The following EXOC5 variants were observed in gnomAD, a reference collection of about 807,000 sequenced individuals.
EXOC5 encodes the protein exocyst complex component 5.
Under a neutral mutation model 90.8 loss-of-function variants are expected in EXOC5, and 17 were observed. The observed-to-expected ratio is 0.19, with a 90% confidence interval of 0.13 to 0.28. EXOC5 has a LOEUF of 0.28. EXOC5 is among the 10% of genes least tolerant of loss of function. The pLI is 1.00. For missense variants in EXOC5, 569 were observed against 830.6 expected (o/e 0.69, Z 3.87); for synonymous variants, 260 against 270.0 (o/e 0.96, Z 0.36).
chr14:57,258,078 T>C (rs540683765), intron 1 of EXOC5, among the ~76,000 whole-genome samples: 2 of 152,344 alleles, frequency 1.3e-5, no homozygotes, highest in African/African-American at 4.8e-5. Context: ...TTATATGCTT[T>C]ACAAATGTTA....
chr14:57,236,244 A>T (rs1883654152), intron 6 of EXOC5, among the ~76,000 whole-genome samples: 1 of 150,700 alleles, frequency 6.6e-6, no homozygotes, highest in Non-Finnish European at 1.5e-5. Context: ...TGAACACCAA[A>T]TCTCATCCTG....
intron 4 of EXOC5, among the ~76,000 whole-genome samples, chr14:57,240,471 G>A (rs1443708956): frequency 6.6e-6 from 1 of 151,896 alleles, no homozygotes; most frequent in Non-Finnish European, 1.5e-5. Context: ...TAGTAGACAC[G>A]GGGTTTCTTT....
intron 4 of EXOC5, chr14:57,243,664 A>C (rs1169244755): frequency 6.5e-6 from 1 of 153,024 alleles, no homozygotes; most frequent in East Asian, 1.9e-4. Flanking sequence ...ATAAACAATT[A>C]ATTCAGAATT....
At chr14:57,263,816 C>T (rs1376666056) in intron 1 of EXOC5, among the ~76,000 whole-genome samples, 24 of 151,232 alleles carry the variant, frequency 1.6e-4, no homozygotes, top group Admixed American at 1.5e-3. Context: ...TGCCTTGCCA[C>T]CACTCCCTAT....
chr14:57,237,366 T>C lies in EXOC5; in HGVS notation c.531A>G (p.Arg177=), dbSNP rs1245151312. ...HLIAQELPFD[R]FSEVKSKIAS... is the part of the protein sequence containing the mutation. ...CAATTTTGGATTTAACTTCTGAAAATCTGAAAGACAAAAACCAACCATGAG... is the reference window on the plus strand; with the variant it reads ...CAATTTTGGATTTAACTTCTGAAAACCTGAAAGACAAAAACCAACCATGAG... The change falls in exon 6 of 18, where the codon AGA becomes AGG. Residue 177 remains arginine, a splice_region_variant and synonymous_variant. Transcript: ENST00000621441. The C allele has an allele frequency of 1.3e-6, 2 of 1,522,508 alleles. No homozygotes were observed. Among genetic ancestry groups the C allele is most frequent in the Admixed American group, 2.0e-5 (1 of 50,618 alleles). 94.3% of individuals were successfully genotyped at this position (1,522,508 alleles called of 1,614,324 possible).
At chr14:57,221,211 T>C (rs1883128824) in intron 13 of EXOC5, among the ~76,000 whole-genome samples, 2 of 152,064 alleles carry the variant, frequency 1.3e-5, no homozygotes, top group African/African-American at 4.8e-5. Flanking sequence ...CAAAAGGATT[T>C]TGGGGATAGG....
At chr14:57,232,606 T>G in intron 10 of EXOC5, 61 bp downstream of exon 10, 1 of 732,180 alleles carries the variant, frequency 1.4e-6, no homozygotes, top group Non-Finnish European at 2.2e-6. Context: ...TACTTCCTTG[T>G]TTTTATCAAA....
At chr14:57,233,644 T>A in intron 9 of EXOC5, 99 bp downstream of exon 9, 1 of 720,914 alleles carries the variant, frequency 1.4e-6, no homozygotes, top group Non-Finnish European at 2.3e-6. Context: ...TCTAAGGTCA[T>A]TACATAAGTA....
chr14:57,218,510 C>G (rs1883036132), intron 14 of EXOC5, among the ~76,000 whole-genome samples: 1 of 152,004 alleles, frequency 6.6e-6, no homozygotes, highest in Non-Finnish European at 1.5e-5. Context: ...TCCAGTTGTA[C>G]TTTTAAAAAC....
intron 4 of EXOC5, among the ~76,000 whole-genome samples, chr14:57,239,900 A>AT (rs898053195): frequency 1.3e-5 from 2 of 152,080 alleles, no homozygotes; most frequent in African/African-American, 2.4e-5. Flanking sequence ...AAATTCTGTG[A>AT]TTTTTTTGAT....
At position 57,203,835 on chromosome 14, in the gene EXOC5, A is replaced by T. The variant is rs2139598845; in HGVS notation, c.*4774T>A. 6.5e-6 allele frequency: 1 copy of T among 152,760 alleles called. No individual in the cohort carries two copies. The highest frequency in any genetic ancestry group is 2.4e-5 in the African/African-American group (1 of 41,588). 9.5% of individuals were successfully genotyped at this position (152,760 alleles called of 1,614,324 possible). A position where few individuals can be genotyped will look rare whatever the true frequency, so the allele number is the denominator to read the frequency against. On this transcript the variant is annotated 3_prime_UTR_variant, in exon 18 of 18. Coordinates refer to ENST00000621441, the MANE Select transcript of EXOC5 (RefSeq NM_006544.4). ...AATTTTAATACATGTTGCACAGTAC[A>T]TATTAATATAGAAAAATACATGTTA...
At chr14:57,238,369 TATATATACACAC>T (rs1302715366) in intron 5 of EXOC5, among the ~76,000 whole-genome samples, 1 of 99,342 alleles carries the variant, frequency 1.0e-5, no homozygotes, top group African/African-American at 3.8e-5. Flanking sequence ...TATATATATA[TATATATACACAC>T]ACACACACAC....
Position 57,246,797 on chromosome 14 carries a change from T to G in EXOC5, c.184A>C (p.Arg62=). 6.2e-7 allele frequency: 1 copy of G among 1,604,828 alleles called. No homozygotes were observed. The highest frequency in any genetic ancestry group is 8.5e-7 in the Non-Finnish European group (1 of 1,174,086). ...TGTTGCTCTAGTTTCTCTACTTTCC[T>G]CTGAATCCTTTCATCCATTATCTGG... is the stretch of plus-strand genomic sequence containing the variant. ...ELQIMDERIQ[R]KVEKLEQQCQ... is the part of the protein sequence containing the mutation. The change falls in exon 3 of 18, where the codon AGG becomes CGG. Residue 62 remains arginine (R), a synonymous_variant. Coordinates refer to ENST00000621441, the MANE Select transcript of EXOC5 (RefSeq NM_006544.4).
At chr14:57,214,596 A>G (rs1156989018) in intron 15 of EXOC5, among the ~76,000 whole-genome samples, 2 of 152,140 alleles carry the variant, frequency 1.3e-5, no homozygotes, top group Admixed American at 1.3e-4. Context: ...GATCCAACTG[A>G]GAAATGAGAG....
intron 5 of EXOC5, among the ~76,000 whole-genome samples, chr14:57,238,349 C>CATATATAT (rs146486005): frequency 4.8e-4 from 43 of 89,206 alleles, no homozygotes; most frequent in South Asian, 1.8e-3. Flanking sequence ...CCTAATTAGA[C>CATATATAT]ATATATATAT....
intron 10 of EXOC5, 32 bp from the exon 11 acceptor site, chr14:57,231,747 AT>A (rs754557389): frequency 7.0e-7 from 1 of 1,418,754 alleles, no homozygotes; most frequent in South Asian, 1.3e-5. Context: ...AAAAAGATTA[AT>A]ATACATTTTA....
At chr14:57,209,071 C>G (rs1233701158) in intron 17 of EXOC5, among the ~76,000 whole-genome samples, 2 of 152,162 alleles carry the variant, frequency 1.3e-5, no homozygotes, top group Admixed American at 6.5e-5. Flanking sequence ...TATTAACATA[C>G]AGCATTTTTC....
chr14:57,224,445 A>T (rs1883244229), intron 12 of EXOC5, among the ~76,000 whole-genome samples: 1 of 152,242 alleles, frequency 6.6e-6, no homozygotes, highest in South Asian at 2.1e-4. Context: ...TCATGAATAT[A>T]ATTTTATTCC....
rs770594244 is a variant in EXOC5 at position 57,219,381 on chromosome 14, G to A, written c.1467C>T (p.Ala489=). Residue 489 remains alanine (A), a synonymous_variant, in exon 14 of 18, where the codon GCC becomes GCT. Coordinates refer to ENST00000621441, the MANE Select transcript of EXOC5 (RefSeq NM_006544.4). ...NLYFLDVVQQ[A]NTIFHLFDKQ... ...TGTCAAAAAGATGAAAAATAGTATT[G>A]GCCTGTTGCACAACGTCCAAAAAAT... 1 of 1,544,918 alleles carries A rather than the reference G, an allele frequency of 6.5e-7. No homozygotes were observed. Among genetic ancestry groups the A allele is most frequent in the Non-Finnish European group, 8.8e-7 (1 of 1,136,892 alleles).
Sources: allele counts gnomAD v4.1 joint callset (sites outside exome capture counted in the v4.1 genomes callset), GRCh38; gene constraint gnomAD v4.1.1; transcripts MANE v1.5; gene names NCBI Gene and HGNC (gene_info 2026-07-23, HGNC 2026-07-21).